RPH3A: variants seen among roughly 807,000 people sequenced by gnomAD.
RPH3A encodes the protein rabphilin-3A.
A neutral mutation model predicts 102.2 loss-of-function variants in RPH3A; 48 were observed. That is an observed-to-expected ratio of 0.47 (90% CI 0.37 to 0.60). The LOEUF (loss-of-function observed/expected upper bound fraction) is 0.60, where lower values mean the gene tolerates loss of function less well. RPH3A is among the 20% of genes least tolerant of loss of function. The pLI, the probability that RPH3A is intolerant of heterozygous loss-of-function variation, is 0.00. For synonymous variants in RPH3A, 310 were observed against 324.3 expected (o/e 0.96, Z 0.47); for missense variants, 781 against 910.1 (o/e 0.86, Z 1.83).
At chr12:112,595,553 GT>G (rs1162082939) in intron 1 of RPH3A, among the ~76,000 whole-genome samples, 1 of 151,992 alleles carries the variant, frequency 6.6e-6, no homozygotes, top group Non-Finnish European at 1.5e-5. Context: ...AAGAAATCCT[GT>G]GCACTACCTT....
rs1198404630 is a variant in RPH3A at position 112,712,916 on chromosome 12, TTCTTCTTCC to T, written c.-139-79218_-139-79210del. Reference sequence around the variant, plus strand: ...CTTCTTCTTCTTCCTCTTCTTCTTCTTCTTCTTCCTCTTCTTCTTCTTCTTCTTCTTCTT... The same window carrying T: ...CTTCTTCTTCTTCCTCTTCTTCTTCTTCTTCTTCTTCTTCTTCTTCTTCTT... On this transcript the variant is annotated intron_variant, in intron 1 of 21. Transcript: ENST00000543106. Among the ~76,000 whole-genome samples the T allele has an allele frequency of 7.3e-3, 744 of 102,178 alleles. 28 individuals are homozygous for T. The highest frequency in any genetic ancestry group is 0.028 in the African/African-American group (639 of 23,158). 67.0% of individuals were successfully genotyped at this position (102,178 alleles called of 152,430 possible).
chr12:112,820,654 C>T (rs1032113848), intron 2 of RPH3A, among the ~76,000 whole-genome samples: 1 of 152,164 alleles, frequency 6.6e-6, no homozygotes, highest in African/African-American at 2.4e-5. Context: ...GCTGGGATGA[C>T]CATACTCATT....
chr12:112,661,578 T>G (rs914993521), intron 1 of RPH3A, among the ~76,000 whole-genome samples: 2 of 152,186 alleles, frequency 1.3e-5, no homozygotes, highest in Non-Finnish European at 2.9e-5. Flanking sequence ...GTAGAAACAC[T>G]ATTTGGTCTA....
chr12:112,879,237 C>T, intron 14 of RPH3A, 39 bp downstream of exon 14: 2 of 1,561,570 alleles, frequency 1.3e-6, no homozygotes, highest in South Asian at 2.3e-5. Flanking sequence ...TCTCAGGATG[C>T]TCTGGCATGG....
At chr12:112,698,734 G>A (rs571057931) in intron 1 of RPH3A, among the ~76,000 whole-genome samples, 2 of 152,318 alleles carry the variant, frequency 1.3e-5, no homozygotes, top group African/African-American at 4.8e-5. Flanking sequence ...GTGAGGATAT[G>A]AAGCCACTGG....
At chr12:112,576,841 C>CTTTT (rs200480621) in intron 1 of RPH3A, among the ~76,000 whole-genome samples, 1 of 139,194 alleles carries the variant, frequency 7.2e-6, no homozygotes, top group Non-Finnish European at 1.6e-5. Flanking sequence ...TCTTATAAAA[C>CTTTT]TTTTTTTTTT....
At chr12:112,816,790 G>A (rs1325412075) in intron 2 of RPH3A, among the ~76,000 whole-genome samples, 4 of 152,146 alleles carry the variant, frequency 2.6e-5, no homozygotes, top group Non-Finnish European at 5.9e-5. Context: ...CAGAAAGGCT[G>A]AGATATTTCA....
intron 5 of RPH3A, among the ~76,000 whole-genome samples, chr12:112,855,621 C>G (rs2042397707): frequency 6.6e-6 from 1 of 152,172 alleles, no homozygotes; most frequent in Non-Finnish European, 1.5e-5. Context: ...CTGAAATGCA[C>G]ATGCCCTGCA....
At chr12:112,788,565 T>C (rs2041066437), upstream of RPH3A, among the ~76,000 whole-genome samples, 1 of 152,216 alleles carries the variant, frequency 6.6e-6, no homozygotes, top group African/African-American at 2.4e-5. Flanking sequence ...GGGGCAGTAA[T>C]AGCACCCACT....
intron 1 of RPH3A, among the ~76,000 whole-genome samples, chr12:112,580,443 G>T (rs1479672706): frequency 1.6e-5 from 2 of 124,698 alleles, no homozygotes; most frequent in African/African-American, 6.2e-5. Flanking sequence ...TCGCTCTGTC[G>T]CCCAGGCTGG....
intron 1 of RPH3A, among the ~76,000 whole-genome samples, chr12:112,667,771 A>T (rs2040098100): frequency 6.6e-6 from 1 of 151,408 alleles, no homozygotes; most frequent in African/African-American, 2.4e-5. Context: ...GCCACCTTGG[A>T]GGATCACTGA....
chr12:112,742,730 G>T (rs1275503480), intron 1 of RPH3A, among the ~76,000 whole-genome samples: 1 of 152,162 alleles, frequency 6.6e-6, no homozygotes, highest in African/African-American at 2.4e-5. Flanking sequence ...AAGGAGCTTG[G>T]GGTGGCACAT....
intron 1 of RPH3A, among the ~76,000 whole-genome samples, chr12:112,669,451 C>T (rs1157602739): frequency 6.6e-6 from 1 of 152,170 alleles, no homozygotes; most frequent in African/African-American, 2.4e-5. Context: ...GTCATCTGCT[C>T]ATTGTGGCCA....
chr12:112,745,219 A>G (rs913962405), intron 1 of RPH3A, among the ~76,000 whole-genome samples: 4 of 152,112 alleles, frequency 2.6e-5, no homozygotes, highest in Non-Finnish European at 5.9e-5. Context: ...TGCAGAAATG[A>G]TCTGAATTCT....
chr12:112,713,038 TTC>T (rs1592958113), intron 1 of RPH3A, among the ~76,000 whole-genome samples: 31 of 82,930 alleles, frequency 3.7e-4, no homozygotes, highest in East Asian at 1.0e-3. Flanking sequence ...CTTCTTCTTC[TTC>T]TTCTTCTTCT....
intron 2 of RPH3A, among the ~76,000 whole-genome samples, chr12:112,805,032 A>AAAAC (rs1268244527): frequency 9.9e-5 from 15 of 152,134 alleles, no homozygotes; most frequent in Non-Finnish European, 1.9e-4. Context: ...TTTCCTAGAA[A>AAAAC]AAACAAACAA....
intron 1 of RPH3A, among the ~76,000 whole-genome samples, chr12:112,670,976 C>G (rs1234338413): frequency 6.6e-6 from 1 of 152,018 alleles, no homozygotes; most frequent in East Asian, 1.9e-4. Flanking sequence ...TAACTAGGAC[C>G]ATGAATGCAA....
At chr12:112,853,695 G>A (rs1318453726) in intron 5 of RPH3A, among the ~76,000 whole-genome samples, 1 of 152,058 alleles carries the variant, frequency 6.6e-6, no homozygotes, top group African/African-American at 2.4e-5. Flanking sequence ...TGAGTGTGGT[G>A]GTGCATGCCT....
intron 1 of RPH3A, among the ~76,000 whole-genome samples, chr12:112,720,348 A>G (rs181327011): frequency 2.0e-5 from 3 of 152,382 alleles, no homozygotes; most frequent in Non-Finnish European, 4.4e-5. Context: ...GGGGCCAACC[A>G]ATACATCTTA....
Sources: allele counts gnomAD v4.1 joint callset (sites outside exome capture counted in the v4.1 genomes callset), GRCh38; gene constraint gnomAD v4.1.1; transcripts MANE v1.5; gene names NCBI Gene and HGNC (gene_info 2026-07-23, HGNC 2026-07-21).